The following UGT8 variants were observed in gnomAD, a reference collection of about 807,000 sequenced individuals.
The protein encoded by UGT8 is 2-hydroxyacylsphingosine 1-beta-galactosyltransferase.
UGT8 carries 12 observed loss-of-function variants against 40.5 expected under a neutral mutation model. The observed-to-expected ratio is 0.30, with a 90% CI of 0.19 to 0.48. The LOEUF (loss-of-function observed/expected upper bound fraction) is 0.48. Ranked by LOEUF, UGT8 falls within the 20% of genes least tolerant of loss-of-function variation. The pLI, the probability that UGT8 is intolerant of heterozygous loss-of-function variation, is 0.99. For synonymous variants in UGT8, 224 were observed against 240.4 expected (o/e 0.93, Z 0.63); for missense variants, 513 against 648.7 (o/e 0.79, Z 2.27).
At chr4:114,637,765 T>A (rs1351096705) in intron 2 of UGT8, among the ~76,000 whole-genome samples, 1 of 152,052 alleles carries the variant, frequency 6.6e-6, no homozygotes, top group Non-Finnish European at 1.5e-5. Context: ...GGTTATTTTA[T>A]TTCCAAGCCT....
intron 2 of UGT8, among the ~76,000 whole-genome samples, chr4:114,655,062 T>C (rs1560699571): frequency 6.6e-6 from 1 of 151,750 alleles, no homozygotes; most frequent in South Asian, 2.1e-4. Flanking sequence ...GTTTTTTGTT[T>C]TTTGTTTTTT....
At chr4:114,608,615 A>T (rs1730870044) in intron 1 of UGT8, among the ~76,000 whole-genome samples, 1 of 151,578 alleles carries the variant, frequency 6.6e-6, no homozygotes. Flanking sequence ...AAAGTTTGAT[A>T]TATAGAAAGA....
In UGT8 at chr4:114,645,869, C is replaced by T. The variant is rs77261956; in HGVS notation, c.823-18126C>T. 8.5e-4 allele frequency among the ~76,000 whole-genome samples: 130 copies of T among 152,156 alleles called. 1 individual carries two copies. In the East Asian group the frequency reaches 0.023, roughly 27 times the overall value. ...ACATTTCAGGACTCTGTTGATTTAGCAAATGTTTACTGAGTGCATACTGTG... is the reference window on the plus strand; with the variant it reads ...ACATTTCAGGACTCTGTTGATTTAGTAAATGTTTACTGAGTGCATACTGTG... On this transcript the variant is annotated intron_variant, in intron 2 of 5. Coordinates refer to ENST00000310836, the MANE Select transcript of UGT8 (RefSeq NM_001128174.3).
intron 2 of UGT8, among the ~76,000 whole-genome samples, chr4:114,655,908 T>G (rs572484464): frequency 6.6e-6 from 1 of 152,110 alleles, no homozygotes; most frequent in Non-Finnish European, 1.5e-5. Flanking sequence ...TACTCAGTGT[T>G]TCTTAGATTC....
intron 2 of UGT8, among the ~76,000 whole-genome samples, chr4:114,647,332 A>G (rs989877578): frequency 6.6e-6 from 1 of 150,508 alleles, no homozygotes; most frequent in Admixed American, 6.7e-5. Context: ...TACCATTCTA[A>G]ACAATTTACA....
At chr4:114,641,285 C>T (rs143114979) in intron 2 of UGT8, among the ~76,000 whole-genome samples, 3 of 152,166 alleles carry the variant, frequency 2.0e-5, no homozygotes, top group Non-Finnish European at 2.9e-5. Flanking sequence ...CTTATTCCTT[C>T]CCTTTCATCC....
intron 1 of UGT8, among the ~76,000 whole-genome samples, chr4:114,620,007 C>T (rs1731685088): frequency 6.6e-6 from 1 of 151,308 alleles, no homozygotes; most frequent in Admixed American, 6.6e-5. Context: ...ATAATTATAT[C>T]TTGACAATGC....
chr4:114,623,341 A>G lies in UGT8; in HGVS notation c.461A>G (p.Lys154Arg), dbSNP rs1731962812. The G allele has an allele frequency of 3.1e-6, 5 of 1,613,994 alleles. No individual in the cohort carries two copies. The South Asian group carries it at 4.4e-5, about 14-fold the overall frequency. Residue 154 changes from lysine to arginine, a missense_variant, in exon 2 of 6, where the codon AAA (lysine) becomes AGA (arginine). Physicochemically the swap from Lys to Arg is conservative, Grantham distance 26. Around this residue, in one of 3 missense-constraint regions of UGT8, gnomAD observed 335 missense variants for 444.8 expected, o/e 0.75. Coordinates refer to ENST00000310836, the MANE Select transcript of UGT8 (RefSeq NM_001128174.3). ...GTGATAGCTCATCTTTTAGGGGTTA[A>G]ATATGCTGTATTTTCAACTGGCCTT... ...GFVIAHLLGV[K>R]YAVFSTGLWY...
intron 1 of UGT8, among the ~76,000 whole-genome samples, chr4:114,622,000 A>C (rs1012027342): frequency 7.9e-5 from 12 of 152,038 alleles, no homozygotes; most frequent in African/African-American, 2.7e-4. Context: ...CATGTGCACA[A>C]TGTGCAGGTT....
rs555961165 is a variant in UGT8 at position 114,676,963 on chromosome 4, C to G, written c.*675C>G. 2.0e-5 allele frequency: 3 copies of G among 150,992 alleles called. No individual in the cohort carries two copies. The highest frequency in any genetic ancestry group is 7.3e-5 in the African/African-American group (3 of 41,124). The allele number at this position is 150,992 out of a possible 1,614,324, so 9.4% of individuals were successfully genotyped here. On this transcript the variant is annotated 3_prime_UTR_variant, in exon 6 of 6. Coordinates refer to ENST00000310836, the MANE Select transcript of UGT8 (RefSeq NM_001128174.3). ...TTTCTTTTCTGATAGAGTATGGCCA[C>G]TTCTGGGGGAAAAACATGTAATTAA... is the stretch of plus-strand genomic sequence containing the variant.
intron 1 of UGT8, among the ~76,000 whole-genome samples, chr4:114,607,430 C>T (rs967623917): frequency 1.6e-4 from 25 of 152,122 alleles, no homozygotes; most frequent in African/African-American, 6.0e-4. Flanking sequence ...TCTCCTTTCT[C>T]ATCTGTAATG....
rs975784736 is a variant in UGT8, at chr4:114,654,836, T to C, written c.823-9159T>C. Among the ~76,000 whole-genome samples the C allele has an allele frequency of 2.0e-5, 3 of 152,146 alleles. No individual in the cohort carries two copies. In the East Asian group the frequency reaches 5.8e-4, roughly 29 times the overall value. The stretch of plus-strand genomic sequence containing the variant: ...GCCAAAGCTTACCTGCCCAAGTTTA[T>C]ACAGTGTGGACGTAGCACCTCTTGA... On this transcript the variant is annotated intron_variant, in intron 2 of 5. Transcript: ENST00000310836.
intron 1 of UGT8, among the ~76,000 whole-genome samples, chr4:114,616,099 C>T (rs576497413): frequency 9.0e-4 from 137 of 152,284 alleles, no homozygotes; most frequent in Middle Eastern, 3.4e-3. Flanking sequence ...CAGCTGCGTT[C>T]TGGGAGAACC....
chr4:114,614,019 A>G (rs1731242870), intron 1 of UGT8, among the ~76,000 whole-genome samples: 1 of 152,050 alleles, frequency 6.6e-6, no homozygotes, highest in African/African-American at 2.4e-5. Context: ...TTCTCACTAT[A>G]TTTTTGTTTT....
intron 2 of UGT8, among the ~76,000 whole-genome samples, chr4:114,626,167 A>T (rs902663614): frequency 8.5e-5 from 13 of 152,178 alleles, no homozygotes; most frequent in Admixed American, 2.6e-4. Flanking sequence ...GGTATTCCTT[A>T]TTCTGGTGTG....
rs1191649636 is a variant in UGT8 at position 114,668,196 on chromosome 4, A to G, written c.1154A>G (p.Asp385Gly). 6.2e-7 allele frequency: 1 copy of G among 1,613,922 alleles called. No individual in the cohort carries two copies. The highest frequency in any genetic ancestry group is 2.2e-5 in the East Asian group (1 of 44,842). ...ATTCCACTCTTTGGAGACCATTATG[A>G]TACTATGACCAGAGTACAGGCAAAA... ...VGIPLFGDHYDTMTRVQAKGM... is the reference protein window; with the variant it reads ...VGIPLFGDHYGTMTRVQAKGM... Residue 385 changes from aspartate to glycine, a missense_variant, in exon 5 of 6, where the codon GAT becomes GGT. Around this residue, in one of 3 missense-constraint regions of UGT8, gnomAD observed 175 missense variants for 186.7 expected, o/e 0.94. Transcript: ENST00000310836.
At chr4:114,663,382 G>A (rs1253934768) in intron 2 of UGT8, among the ~76,000 whole-genome samples, 1 of 152,010 alleles carries the variant, frequency 6.6e-6, no homozygotes, top group African/African-American at 2.4e-5. Flanking sequence ...TCTTACAGTG[G>A]AATTAATGTG....
At chr4:114,664,169 A>G (rs767538581) in intron 3 of UGT8, 32 bp downstream of exon 3, 2 of 1,608,658 alleles carry the variant, frequency 1.2e-6, no homozygotes, top group South Asian at 1.1e-5. Context: ...TTTCTTTGCT[A>G]TTGACAATCA....
chr4:114,607,135 C>G (rs1730781822), intron 1 of UGT8, among the ~76,000 whole-genome samples: 4 of 152,168 alleles, frequency 2.6e-5, no homozygotes, highest in African/African-American at 9.7e-5. Flanking sequence ...TCTCATTCTG[C>G]CCCTGAAGCA....
Sources: gnomAD v4.1 joint callset for allele counts (sites outside exome capture counted in the v4.1 genomes callset) on GRCh38, gnomAD v4.1.1 for gene constraint, gnomAD v4.1.1 regional missense constraint, MANE v1.5 for transcripts, NCBI Gene and HGNC (gene_info 2026-07-23, HGNC 2026-07-21) for gene names.